The following ASTN2 variants were observed in gnomAD, a reference collection of about 807,000 sequenced individuals.
ASTN2 encodes astrotactin 2, also known as astrotactin-2.
ASTN2 carries 54 observed loss-of-function variants against 139.8 expected under a neutral mutation model. That is an observed-to-expected ratio of 0.39 (90% CI 0.31 to 0.48). ASTN2 has a LOEUF of 0.48. Among genes scored for constraint, ASTN2 ranks in the 20% least tolerant of loss-of-function variants. The probability of loss-of-function intolerance (pLI) is 0.95; values close to 1 mark genes in which losing one functional copy is unlikely to be tolerated. For synonymous variants in ASTN2, 756 were observed against 719.5 expected, an observed-to-expected ratio of 1.05 and a Z score of -0.81; for missense variants, 1,565 against 1,725.1, an observed-to-expected ratio of 0.91 and a Z score of 1.64.
chr9:116,590,411 GC>G (rs1588045913), intron 19 of ASTN2, among the ~76,000 whole-genome samples: 1 of 152,246 alleles, frequency 6.6e-6, no homozygotes, highest in African/African-American at 2.4e-5. Flanking sequence ...TGACATGCCA[GC>G]CCCCTGTTGC....
At chr9:117,352,465 G>T (rs1274880297) in intron 1 of ASTN2, among the ~76,000 whole-genome samples, 1 of 152,104 alleles carries the variant, frequency 6.6e-6, no homozygotes, top group Non-Finnish European at 1.5e-5. Context: ...AAGAATCAGA[G>T]CTGAGCTAAT....
chr9:116,689,264 A>G (rs1860442441), intron 16 of ASTN2, among the ~76,000 whole-genome samples: 1 of 152,150 alleles, frequency 6.6e-6, no homozygotes, highest in Admixed American at 6.6e-5. Context: ...GTGGCCTTGA[A>G]TGAGTTACTT....
chr9:117,217,018 G>T (rs943387431), intron 2 of ASTN2, among the ~76,000 whole-genome samples: 7 of 152,306 alleles, frequency 4.6e-5, no homozygotes, highest in Admixed American at 3.9e-4. Context: ...GGTCCAGCTG[G>T]ATTCAAAGGG....
intron 5 of ASTN2, among the ~76,000 whole-genome samples, chr9:117,081,707 C>CA (rs1371310308): frequency 6.6e-6 from 1 of 152,174 alleles, no homozygotes; most frequent in Non-Finnish European, 1.5e-5. Context: ...GGAGGGGAGT[C>CA]AAAGTGTGAT....
Position 116,492,913 on chromosome 9 carries a change from G to A in ASTN2, c.3356-5413C>T, listed in dbSNP as rs138252994. On this transcript the variant is annotated intron_variant, in intron 19 of 22. Coordinates refer to ENST00000313400, the MANE Select transcript of ASTN2 (RefSeq NM_001365068.1). ...GATGAACACTAACAGGAGAGAGATTGGGGCCAGTCTTCCATATACTCACAC... is the reference window on the plus strand; with the variant it reads ...GATGAACACTAACAGGAGAGAGATTAGGGCCAGTCTTCCATATACTCACAC... 2.5e-3 allele frequency among the ~76,000 whole-genome samples: 374 copies of A among 152,256 alleles called. 1 individual carries two copies. Among genetic ancestry groups the A allele is most frequent in the African/African-American group, 8.6e-3 (356 of 41,542 alleles).
At chr9:116,803,864 C>G (rs1438200910) in intron 13 of ASTN2, among the ~76,000 whole-genome samples, 6 of 151,526 alleles carry the variant, frequency 4.0e-5, no homozygotes, top group African/African-American at 1.5e-4. Context: ...TGGAGTCTTG[C>G]AAAGTTACCT....
chr9:116,893,939 G>A (rs1833824460), intron 10 of ASTN2, among the ~76,000 whole-genome samples: 1 of 152,160 alleles, frequency 6.6e-6, no homozygotes, highest in Non-Finnish European at 1.5e-5. Context: ...AACCCTGCTT[G>A]AGCATCCACA....
chr9:116,629,283 A>G (rs1856617666), intron 17 of ASTN2, among the ~76,000 whole-genome samples: 1 of 151,838 alleles, frequency 6.6e-6, no homozygotes, highest in Non-Finnish European at 1.5e-5. Context: ...ATGCCCGGCT[A>G]ATTTTTTGCA....
chr9:116,467,584 T>C (rs1848689164), intron 20 of ASTN2, among the ~76,000 whole-genome samples: 1 of 152,166 alleles, frequency 6.6e-6, no homozygotes, highest in Non-Finnish European at 1.5e-5. Flanking sequence ...TCTTACGACG[T>C]CATTTGAACT....
At chr9:117,408,095 T>C (rs949003449) in intron 1 of ASTN2, among the ~76,000 whole-genome samples, 1 of 151,918 alleles carries the variant, frequency 6.6e-6, no homozygotes, top group South Asian at 2.1e-4. Context: ...ATCAGTTGGA[T>C]ACTCAGGCAG....
chr9:117,083,743 T>C (rs1021807530), intron 5 of ASTN2, among the ~76,000 whole-genome samples: 8 of 152,282 alleles, frequency 5.3e-5, no homozygotes, highest in South Asian at 2.1e-4. Context: ...TTCTCGCTAG[T>C]GTAAGCAACT....
intron 16 of ASTN2, among the ~76,000 whole-genome samples, chr9:116,658,733 C>CTTTTTTTTT (rs71502074): frequency 9.4e-4 from 95 of 101,120 alleles, no homozygotes; most frequent in Non-Finnish European, 1.1e-3. Flanking sequence ...GACCACCGCT[C>CTTTTTTTTT]TTTTTTTTTT....
At chr9:117,123,350 T>G (rs1271018421) in intron 4 of ASTN2, among the ~76,000 whole-genome samples, 1 of 152,076 alleles carries the variant, frequency 6.6e-6, no homozygotes, top group Non-Finnish European at 1.5e-5. Context: ...GTTAAGAGAC[T>G]GGACTTTGGG....
At chr9:117,224,789 G>A (rs781213465) in intron 2 of ASTN2, among the ~76,000 whole-genome samples, 12 of 152,036 alleles carry the variant, frequency 7.9e-5, no homozygotes, top group Non-Finnish European at 1.5e-4. Flanking sequence ...TCACTTCTTT[G>A]TCGAGTCCTT....
chr9:117,329,949 T>A (rs1205716164), intron 1 of ASTN2, among the ~76,000 whole-genome samples: 5 of 152,154 alleles, frequency 3.3e-5, no homozygotes, highest in Admixed American at 1.3e-4. Flanking sequence ...TGGGAACTGT[T>A]ATCGTTCTTA....
At chr9:117,200,379 G>A (rs1361949870) in intron 3 of ASTN2, among the ~76,000 whole-genome samples, 1 of 152,016 alleles carries the variant, frequency 6.6e-6, no homozygotes, top group East Asian at 1.9e-4. Flanking sequence ...GATTGTCCTG[G>A]CCAGAACTTA....
chr9:117,380,328 C>T (rs1056807280), intron 1 of ASTN2, among the ~76,000 whole-genome samples: 2 of 152,020 alleles, frequency 1.3e-5, no homozygotes, highest in Non-Finnish European at 2.9e-5. Context: ...ATGACCAGGC[C>T]AGGCATGGTA....
intron 2 of ASTN2, among the ~76,000 whole-genome samples, chr9:117,217,083 G>A (rs545239049): frequency 6.6e-6 from 1 of 152,146 alleles, no homozygotes; most frequent in Non-Finnish European, 1.5e-5. Context: ...ACAGCCCTTG[G>A]TTACTGAACG....
chr9:116,887,169 A>C (rs1413060706), intron 10 of ASTN2, among the ~76,000 whole-genome samples: 1 of 152,116 alleles, frequency 6.6e-6, no homozygotes, highest in East Asian at 1.9e-4. Flanking sequence ...AATTTGGAAA[A>C]GCATATAAAT....
Sources: gnomAD v4.1 joint callset for allele counts (sites outside exome capture counted in the v4.1 genomes callset) on GRCh38, gnomAD v4.1.1 for gene constraint, MANE v1.5 for transcripts, NCBI Gene and HGNC (gene_info 2026-07-23, HGNC 2026-07-21) for gene names.